Variants in GDNF observed in about 807,000 individuals in gnomAD.
The protein encoded by GDNF is glial cell derived neurotrophic factor.
GDNF carries 5 observed loss-of-function variants against 13.7 expected under a neutral mutation model. The observed-to-expected ratio is 0.36, with a 90% CI of 0.19 to 0.77. The LOEUF (loss-of-function observed/expected upper bound fraction) is 0.77, where lower values mean the gene tolerates loss of function less well. Among genes scored for constraint, GDNF ranks in the 30% least tolerant of loss-of-function variants. GDNF has a pLI of 0.51. For synonymous variants in GDNF, 122 were observed against 112.5 expected, an observed-to-expected ratio of 1.08 and a Z score of -0.53; for missense variants, 246 against 274.3, an observed-to-expected ratio of 0.90 and a Z score of 0.73.
In GDNF at chr5:37,839,243, G is replaced by C. The variant is rs1438741704; in HGVS notation, c.-27+264C>G. The stretch of plus-strand genomic sequence containing the variant: ...GAAACTGCCCCTCTTGGGCATTCCG[G>C]GTCCAGGCGCATCTGGGGCTCCACA... On this transcript the variant is annotated intron_variant, in intron 1 of 2. Coordinates refer to ENST00000326524, the MANE Select transcript of GDNF (RefSeq NM_000514.4). This position sits in a 1 kb window ranked among gnomAD's most constrained non-coding sequence, Gnocchi z 5.5. Among the ~76,000 whole-genome samples, 2 of 152,212 alleles carry C rather than the reference G, an allele frequency of 1.3e-5. No homozygotes were observed. Among genetic ancestry groups the C allele is most frequent in the African/African-American group, 4.8e-5 (2 of 41,456 alleles).
chr5:37,823,440 A>C (rs981914029), intron 2 of GDNF: 1 of 152,216 alleles, frequency 6.6e-6, no homozygotes, highest in Non-Finnish European at 1.5e-5. Flanking sequence ...GTAGATCCTA[A>C]AGTTAGGCTG....
chr5:37,832,580 T>G (rs1295410489), intron 2 of GDNF, among the ~76,000 whole-genome samples: 1 of 152,216 alleles, frequency 6.6e-6, no homozygotes, highest in Non-Finnish European at 1.5e-5. Context: ...AATAGAGTAG[T>G]GAGAATCTTG....
In GDNF at chr5:37,813,241, G is replaced by C. The variant is rs1023456332; in HGVS notation, c.*2410C>G. 6.6e-6 allele frequency: 1 copy of C among 152,238 alleles called. No homozygotes were observed. The highest frequency in any genetic ancestry group is 2.4e-5 in the African/African-American group (1 of 41,418). The allele number at this position is 152,238 out of a possible 1,614,324, so 9.4% of individuals were successfully genotyped here. ...AAGGGGAGCAGAAAGGACAGAGAAG[G>C]GCAGAACCATGAAGAATTTGGGTAT... On this transcript the variant is annotated 3_prime_UTR_variant, in exon 3 of 3. Coordinates refer to ENST00000326524, the MANE Select transcript of GDNF (RefSeq NM_000514.4).
rs923265453 is a variant in GDNF at position 37,835,589 on chromosome 5, C to T, written c.-26-767G>A. 4 of 1,518,742 alleles carry T rather than the reference C, an allele frequency of 2.6e-6. No homozygotes were observed. The African/African-American group carries it at 4.1e-5, about 16-fold the overall frequency. 94.1% of individuals were successfully genotyped at this position (1,518,742 alleles called of 1,614,324 possible). A position where few individuals can be genotyped will look rare whatever the true frequency, so the allele number is the denominator to read the frequency against. On this transcript the variant is annotated intron_variant, in intron 1 of 2. Transcript: ENST00000326524. ...GTTATGAACATTAAATCACGCATGA[C>T]AAGCTCTAGCGGAACATGTAGTAAG...
rs187989200 is a variant in GDNF at position 37,837,944 on chromosome 5, G to A, written c.-27+1563C>T. ...TTGCCTTCAAGATCCAGGTCTCAGA[G>A]AGAGAAAAAGGAGGCGGTGGGGCGG... On this transcript the variant is annotated intron_variant, in intron 1 of 2. Coordinates refer to ENST00000326524, the MANE Select transcript of GDNF (RefSeq NM_000514.4). The surrounding 1 kb of genome is among the most constrained non-coding windows in gnomAD (Gnocchi z 6.5). Among the ~76,000 whole-genome samples the A allele has an allele frequency of 6.6e-4, 100 of 151,652 alleles. No homozygotes were observed. Among genetic ancestry groups the A allele is most frequent in the Admixed American group, 2.6e-3 (40 of 15,278 alleles).
At chr5:37,835,631 T>C (rs1430856917) in intron 1 of GDNF, 6 of 1,549,490 alleles carry the variant, frequency 3.9e-6, no homozygotes, top group Admixed American at 2.0e-5. Flanking sequence ...GTAAATGCTT[T>C]ACCATTGCTG....
At chr5:37,817,696 T>G (rs1251626907) in intron 2 of GDNF, among the ~76,000 whole-genome samples, 3 of 152,074 alleles carry the variant, frequency 2.0e-5, no homozygotes, top group Non-Finnish European at 4.4e-5. Context: ...GAATGCCTAG[T>G]TGCTATCTGA....
rs1268723805 is a variant in GDNF at position 37,815,280 on chromosome 5, C to G, written c.*371G>C. 2.1e-5 allele frequency: 7 copies of G among 334,298 alleles called. No individual in the cohort carries two copies. Among genetic ancestry groups the G allele is most frequent in the African/African-American group, 8.5e-5 (4 of 47,152 alleles). The allele number at this position is 334,298 out of a possible 1,614,324, so 20.7% of individuals were successfully genotyped here. On this transcript the variant is annotated 3_prime_UTR_variant, in exon 3 of 3. Coordinates refer to ENST00000326524, the MANE Select transcript of GDNF (RefSeq NM_000514.4). This position sits in a 1 kb window ranked among gnomAD's most constrained non-coding sequence, Gnocchi z 5.0. ...TCACAGGAGATACACTGGTTTGGTT[C>G]AAGTGCATCCACCGCAACCGCGCCG...
chr5:37,830,667 G>A (rs1750494140), intron 2 of GDNF, among the ~76,000 whole-genome samples: 1 of 152,154 alleles, frequency 6.6e-6, no homozygotes, highest in African/African-American at 2.4e-5. Context: ...CAGGAGGGTG[G>A]CAAATGACAA....
chr5:37,823,698 G>A (rs1010536940), intron 2 of GDNF, among the ~76,000 whole-genome samples: 4 of 152,224 alleles, frequency 2.6e-5, no homozygotes, highest in Non-Finnish European at 5.9e-5. Context: ...GGAGACAAGA[G>A]AGGCCCGGAT....
intron 2 of GDNF, among the ~76,000 whole-genome samples, chr5:37,832,995 A>C (rs1392162119): frequency 6.6e-6 from 1 of 152,258 alleles, no homozygotes; most frequent in Non-Finnish European, 1.5e-5. Context: ...GCTTCTCTTT[A>C]TGGTACAGTT....
chr5:37,819,993 C>T (rs1187490839), intron 2 of GDNF, among the ~76,000 whole-genome samples: 2 of 151,940 alleles, frequency 1.3e-5, no homozygotes, highest in East Asian at 1.9e-4. Flanking sequence ...GTATATAAAT[C>T]GGAACTTATG....
intron 2 of GDNF, among the ~76,000 whole-genome samples, chr5:37,832,655 T>A (rs1345990770): frequency 6.6e-6 from 1 of 152,222 alleles, no homozygotes; most frequent in Non-Finnish European, 1.5e-5. Flanking sequence ...CAACATGCCC[T>A]TGTCCCTGCA....
At chr5:37,835,600 G>A (rs1750676275) in intron 1 of GDNF, 3 of 1,529,704 alleles carry the variant, frequency 2.0e-6, no homozygotes, top group Non-Finnish European at 1.8e-6. Context: ...AAGCTCTAGC[G>A]GAACATGTAG....
intron 2 of GDNF, among the ~76,000 whole-genome samples, chr5:37,822,775 C>T (rs1554020752): frequency 1.3e-5 from 2 of 152,124 alleles, no homozygotes; most frequent in Non-Finnish European, 2.9e-5. Context: ...CGTCTACACA[C>T]AGAGACACAC....
intron 2 of GDNF, among the ~76,000 whole-genome samples, chr5:37,822,416 G>A (rs541814623): frequency 9.2e-5 from 14 of 152,324 alleles, no homozygotes; most frequent in Admixed American, 3.3e-4. Flanking sequence ...GCTGCTGCCT[G>A]AGCCAAGGCC....
intron 2 of GDNF, among the ~76,000 whole-genome samples, chr5:37,818,311 G>A (rs1183194957): frequency 3.9e-5 from 6 of 152,186 alleles, no homozygotes; most frequent in African/African-American, 1.4e-4. Flanking sequence ...TTGAATCGCA[G>A]GGGCAGGTTT....
At chr5:37,831,623 TG>T (rs2111706749) in intron 2 of GDNF, among the ~76,000 whole-genome samples, 1 of 152,190 alleles carries the variant, frequency 6.6e-6, no homozygotes, top group East Asian at 1.9e-4. Flanking sequence ...GGGGAAACTC[TG>T]GTCCCAGCTT....
intron 2 of GDNF, among the ~76,000 whole-genome samples, chr5:37,829,625 G>A (rs1750447393): frequency 6.6e-6 from 1 of 152,148 alleles, no homozygotes; most frequent in Non-Finnish European, 1.5e-5. Context: ...TTAATCAAAT[G>A]AAGGTGCTAT....
Sources: gnomAD v4.1 joint callset for allele counts (sites outside exome capture counted in the v4.1 genomes callset) on GRCh38, gnomAD v4.1.1 for gene constraint, Gnocchi (gnomAD v3.1) non-coding constraint, MANE v1.5 for transcripts, NCBI Gene and HGNC (gene_info 2026-07-23, HGNC 2026-07-21) for gene names.